TRIM3: variants seen among roughly 807,000 people sequenced by gnomAD.
TRIM3 encodes tripartite motif containing 3.
TRIM3 carries 13 observed loss-of-function variants against 66.6 expected under a neutral mutation model. The ratio of observed to expected loss-of-function variants is 0.20; its 90% CI spans 0.13 to 0.31. The LOEUF is 0.31. TRIM3 is among the 10% of genes least tolerant of loss of function. The pLI is 1.00. For missense variants in TRIM3, 711 were observed against 1,020.4 expected, an observed-to-expected ratio of 0.70 and a Z score of 4.13; for synonymous variants, 406 against 411.7, an observed-to-expected ratio of 0.99 and a Z score of 0.17.
rs1190774008 is a variant in TRIM3 at position 6,473,906 on chromosome 11, C to A, written c.-153G>T. The A allele has an allele frequency of 6.6e-6, 1 of 152,104 alleles. No individual in the cohort carries two copies. Among genetic ancestry groups the A allele is most frequent in the Non-Finnish European group, 1.5e-5 (1 of 68,066 alleles). 9.4% of individuals were successfully genotyped at this position (152,104 alleles called of 1,614,324 possible). On this transcript the variant is annotated 5_prime_UTR_variant, in exon 1 of 12. Transcript: ENST00000345851. Reference sequence around the variant, plus strand: ...CGGCCCTGCCCGCGCCTCCGCCTGTCCCCGCGCCGGCGCCGCCGCCGGACT... The same window carrying A: ...CGGCCCTGCCCGCGCCTCCGCCTGTACCCGCGCCGGCGCCGCCGCCGGACT...
chr11:6,449,007 C>T lies in TRIM3; in HGVS notation c.*21G>A, dbSNP rs747078637. The T allele has an allele frequency of 6.2e-7, 1 of 1,611,696 alleles. No homozygotes were observed. Among genetic ancestry groups the T allele is most frequent in the East Asian group, 2.2e-5 (1 of 44,776 alleles). Reference sequence around the variant, plus strand: ...ACCCCAATGTCTGTCCCTCCACAAGCCAGGCAGGGCCTCTGTACAGCTACT... The same window carrying T: ...ACCCCAATGTCTGTCCCTCCACAAGTCAGGCAGGGCCTCTGTACAGCTACT... On this transcript the variant is annotated 3_prime_UTR_variant, in exon 12 of 12. Transcript: ENST00000345851. This position sits in a 1 kb window ranked among gnomAD's most constrained non-coding sequence, Gnocchi z 5.3.
intron 1 of TRIM3, among the ~76,000 whole-genome samples, chr11:6,468,963 T>C (rs1259402146): frequency 2.0e-5 from 3 of 152,168 alleles, no homozygotes; most frequent in Non-Finnish European, 4.4e-5. Flanking sequence ...AGGGTGGGCC[T>C]GGGTAGAGTG....
intron 7 of TRIM3, chr11:6,452,219 C>G (rs1045865194): frequency 6.6e-6 from 1 of 152,374 alleles, no homozygotes; most frequent in South Asian, 2.1e-4. Flanking sequence ...ACAGAGTGAA[C>G]CTTTCAACCT....
At chr11:6,469,904 T>C (rs1025059835) in intron 1 of TRIM3, among the ~76,000 whole-genome samples, 1 of 152,082 alleles carries the variant, frequency 6.6e-6, no homozygotes, top group Non-Finnish European at 1.5e-5. Context: ...AAGCTGAGGA[T>C]GAGTTACAGA....
intron 1 of TRIM3, among the ~76,000 whole-genome samples, chr11:6,472,914 C>A (rs1296282691): frequency 6.6e-6 from 1 of 152,166 alleles, no homozygotes; most frequent in Non-Finnish European, 1.5e-5. Context: ...GATGAATGGG[C>A]ACCAGTGAGC....
intron 7 of TRIM3, chr11:6,451,668 C>T: frequency 1.8e-6 from 1 of 545,684 alleles, no homozygotes; most frequent in East Asian, 3.1e-5. Flanking sequence ...TGAGAAAAGG[C>T]TCCAAGAGAA....
In TRIM3 at chr11:6,456,941, C is replaced by A; in HGVS notation, c.785G>T (p.Gly262Val). The change falls in exon 6 of 12, where the codon GGC becomes GTC. Residue 262 changes from glycine (G) to valine (V), a missense_variant. Transcript: ENST00000345851. This position sits in a 1 kb window ranked among gnomAD's most constrained non-coding sequence, Gnocchi z 6.4. ...CSFAEQALRL[G>V]SAPEVLLVRK... is the part of the protein sequence containing the mutation. ...CACCAGCAACACCTCCGGGGCCGAG[C>A]CCAGGCGCAGTGCCTGCTCTGCAAA... 1 of 1,610,392 alleles carries A rather than the reference C, an allele frequency of 6.2e-7. No homozygotes were observed. Among genetic ancestry groups the A allele is most frequent in the Non-Finnish European group, 8.5e-7 (1 of 1,179,770 alleles).
rs201984032 is a variant in TRIM3, at chr11:6,457,075, G to T, written c.697-46C>A. 2 of 1,555,986 alleles carry T rather than the reference G, an allele frequency of 1.3e-6. No homozygotes were observed. Among genetic ancestry groups the T allele is most frequent in the East Asian group, 4.5e-5 (2 of 44,246 alleles). On this transcript the variant is annotated intron_variant, in intron 5 of 11. Transcript: ENST00000345851. The surrounding 1 kb of genome is among the most constrained non-coding windows in gnomAD (Gnocchi z 4.5). The stretch of plus-strand genomic sequence containing the variant: ...AGTGGGTGAGCAGACTGGCACAGGG[G>T]GAGTCTCTGTGATTACTGAAGTTGT...
intron 1 of TRIM3, among the ~76,000 whole-genome samples, chr11:6,469,753 C>A (rs1850609570): frequency 6.6e-6 from 1 of 152,152 alleles, no homozygotes; most frequent in African/African-American, 2.4e-5. Flanking sequence ...GTGGTGAAGA[C>A]CATGATGAGG....
In TRIM3 at chr11:6,449,766, A is replaced by T; in HGVS notation, c.1942-320T>A. ...CAATTTCTTCTCTGTTTGATAGGCC[A>T]ATGAATTAACACAACTCTTGATTCC... On this transcript the variant is annotated intron_variant, in intron 10 of 11. Coordinates refer to ENST00000345851, the MANE Select transcript of TRIM3 (RefSeq NM_033278.4). This position sits in a 1 kb window ranked among gnomAD's most constrained non-coding sequence, Gnocchi z 5.3. 1 of 293,870 alleles carries T rather than the reference A, an allele frequency of 3.4e-6. No individual in the cohort carries two copies. The highest frequency in any genetic ancestry group is 6.9e-5 in the South Asian group (1 of 14,564). 18.2% of individuals were successfully genotyped at this position (293,870 alleles called of 1,614,324 possible). A position where few individuals can be genotyped will look rare whatever the true frequency, so the allele number is the denominator to read the frequency against.
intron 7 of TRIM3, chr11:6,451,643 G>T: frequency 1.7e-6 from 1 of 584,990 alleles, no homozygotes; most frequent in Non-Finnish European, 3.0e-6. Flanking sequence ...AACATGAAGG[G>T]ATGAAGGGGA....
At chr11:6,454,587 G>A (rs986867731) in intron 7 of TRIM3, among the ~76,000 whole-genome samples, 1 of 152,118 alleles carries the variant, frequency 6.6e-6, no homozygotes, top group Non-Finnish European at 1.5e-5. Flanking sequence ...TAACTGAGTA[G>A]GGAACTGAGC....
chr11:6,450,323 T>TA lies in TRIM3; in HGVS notation c.1941+227dup. Reference sequence around the variant, plus strand: ...TTTTTGGTTACCTTTTTCTCTTCCCTACTAGACTATAATCAAGAAGACACA... The same window carrying TA: ...TTTTTGGTTACCTTTTTCTCTTCCCTAACTAGACTATAATCAAGAAGACACA... On this transcript the variant is annotated intron_variant, in intron 10 of 11. Coordinates refer to ENST00000345851, the MANE Select transcript of TRIM3 (RefSeq NM_033278.4). The surrounding 1 kb of genome is among the most constrained non-coding windows in gnomAD (Gnocchi z 4.8). The TA allele has an allele frequency of 5.3e-6, 3 of 569,942 alleles. No individual in the cohort carries two copies. Among genetic ancestry groups the TA allele is most frequent in the Non-Finnish European group, 9.4e-6 (3 of 320,076 alleles). The allele number at this position is 569,942 out of a possible 1,614,324, so 35.3% of individuals were successfully genotyped here.
Position 6,457,461 on chromosome 11 carries a change from G to C in TRIM3, c.531C>G (p.Ser177=). The C allele has an allele frequency of 6.2e-7, 1 of 1,612,592 alleles. No individual in the cohort carries two copies. Among genetic ancestry groups the C allele is most frequent in the Non-Finnish European group, 8.5e-7 (1 of 1,179,968 alleles). The part of the protein sequence containing the change: ...EAVRGRLPQL[S]AAIALVGGIS... The stretch of plus-strand genomic sequence containing the variant: ...TGCCCCCGACTAAGGCAATTGCTGC[G>C]GACAGCTGTGGCAATCTGGAGGGGG... The change falls in exon 5 of 12, where the codon TCC becomes TCG. Residue 177 remains serine, a synonymous_variant. Coordinates refer to ENST00000345851, the MANE Select transcript of TRIM3 (RefSeq NM_033278.4). This position sits in a 1 kb window ranked among gnomAD's most constrained non-coding sequence, Gnocchi z 4.5.
rs142846935 is a variant in TRIM3 at position 6,471,951 on chromosome 11, T to C, written c.-38+1840A>G. Among the ~76,000 whole-genome samples the C allele has an allele frequency of 3.6e-3, 549 of 152,198 alleles. 5 individuals are homozygous for C. Among genetic ancestry groups the C allele is most frequent in the Admixed American group, 6.0e-3 (92 of 15,284 alleles). Reference sequence around the variant, plus strand: ...ATGATGCTTTTACATCCTAAAAGCATAAAAATAAATATGCTAAAAATAAAT... The same window carrying C: ...ATGATGCTTTTACATCCTAAAAGCACAAAAATAAATATGCTAAAAATAAAT... On this transcript the variant is annotated intron_variant, in intron 1 of 11. Transcript: ENST00000345851.
intron 7 of TRIM3, chr11:6,452,429 G>A (rs1849764697): frequency 6.6e-6 from 1 of 152,268 alleles, no homozygotes; most frequent in Non-Finnish European, 1.5e-5. Flanking sequence ...ACGAGAGCCA[G>A]GAGCAGCCTT....
intron 1 of TRIM3, among the ~76,000 whole-genome samples, chr11:6,466,609 T>TTC (rs1850482439): frequency 6.6e-6 from 1 of 151,510 alleles, no homozygotes; most frequent in Non-Finnish European, 1.5e-5. Context: ...TTTTTTTTTT[T>TTC]CCAGTTCCTG....
chr11:6,456,427 G>T lies in TRIM3; in HGVS notation c.1299C>A (p.Arg433=). The T allele has an allele frequency of 6.5e-7, 1 of 1,534,130 alleles. No individual in the cohort carries two copies. Among genetic ancestry groups the T allele is most frequent in the Non-Finnish European group, 8.8e-7 (1 of 1,138,316 alleles). The part of the protein sequence containing the change: ...DLPPSPDDVK[R]RVKSPGGPGS... ...CGGGGCCGCCAGGGGACTTGACACGGCGCTTCACATCGTCCGGGGAAGGTG... is the reference window on the plus strand; with the variant it reads ...CGGGGCCGCCAGGGGACTTGACACGTCGCTTCACATCGTCCGGGGAAGGTG... The change falls in exon 6 of 12, where the codon CGC becomes CGA. Residue 433 remains arginine (R), a synonymous_variant. Coordinates refer to ENST00000345851, the MANE Select transcript of TRIM3 (RefSeq NM_033278.4). The surrounding 1 kb of genome is among the most constrained non-coding windows in gnomAD (Gnocchi z 6.4).
At chr11:6,466,434 T>C (rs942921802) in intron 1 of TRIM3, among the ~76,000 whole-genome samples, 2 of 152,232 alleles carry the variant, frequency 1.3e-5, no homozygotes, top group Admixed American at 6.5e-5. Context: ...GAATGAATTT[T>C]CTAAAACACA....
Sources: gnomAD v4.1 joint callset for allele counts (sites outside exome capture counted in the v4.1 genomes callset) on GRCh38, gnomAD v4.1.1 for gene constraint, Gnocchi (gnomAD v3.1) non-coding constraint, MANE v1.5 for transcripts, NCBI Gene and HGNC (gene_info 2026-07-23, HGNC 2026-07-21) for gene names.